Variants in AGAP1 observed in about 807,000 individuals in gnomAD.
AGAP1 encodes arf-GAP with GTPase, ANK repeat and PH domain-containing protein 1.
A neutral mutation model predicts 105.3 loss-of-function variants in AGAP1; 29 were observed. The ratio of observed to expected loss-of-function variants is 0.28; its 90% confidence interval spans 0.21 to 0.38. The LOEUF (loss-of-function observed/expected upper bound fraction) is 0.38, where lower values mean the gene tolerates loss of function less well. Ranked by LOEUF, AGAP1 falls within the 10% of genes least tolerant of loss-of-function variation. The pLI is 1.00. For synonymous variants in AGAP1, 509 were observed against 485.9 expected, an observed-to-expected ratio of 1.05 and a Z score of -0.63; for missense variants, 998 against 1,165.1, an observed-to-expected ratio of 0.86 and a Z score of 2.09.
intron 9 of AGAP1, among the ~76,000 whole-genome samples, chr2:235,881,779 A>G (rs910109688): frequency 3.3e-5 from 5 of 152,258 alleles, no homozygotes; most frequent in African/African-American, 1.2e-4. Flanking sequence ...CTCAACCACC[A>G]TTTAAGAAGA....
At chr2:235,795,044 A>T (rs1957178857) in intron 6 of AGAP1, among the ~76,000 whole-genome samples, 1 of 152,182 alleles carries the variant, frequency 6.6e-6, no homozygotes, top group Admixed American at 6.5e-5. Context: ...TGAGTAATTA[A>T]CGATTACAGC....
chr2:235,527,908 C>T (rs1942901896), intron 1 of AGAP1, among the ~76,000 whole-genome samples: 1 of 152,190 alleles, frequency 6.6e-6, no homozygotes, highest in Non-Finnish European at 1.5e-5. Flanking sequence ...TCACATCTAG[C>T]AATATCATAA....
rs933933833 is a variant in AGAP1 at position 235,959,251 on chromosome 2, C to T, written c.1484-9211C>T. Among the ~76,000 whole-genome samples the T allele has an allele frequency of 2.6e-5, 4 of 152,218 alleles. No individual in the cohort carries two copies. The highest frequency in any genetic ancestry group is 9.6e-5 in the African/African-American group (4 of 41,458). The stretch of plus-strand genomic sequence containing the variant: ...ATGCAGCCAGGAGGAGCGGATGGCG[C>T]TCCGTGGGCCGGCTGGAGCTCATTT... On this transcript the variant is annotated intron_variant, in intron 12 of 17. Coordinates refer to ENST00000304032, the MANE Select transcript of AGAP1 (RefSeq NM_001037131.3). This position sits in a 1 kb window ranked among gnomAD's most constrained non-coding sequence, Gnocchi z 7.3.
At chr2:235,849,917 C>A (rs1961986764) in intron 9 of AGAP1, among the ~76,000 whole-genome samples, 1 of 152,204 alleles carries the variant, frequency 6.6e-6, no homozygotes, top group African/African-American at 2.4e-5. Context: ...CTCCCTCTCA[C>A]CACGACTCTT....
Position 236,061,698 on chromosome 2 carries a change from G to A in AGAP1, c.2114+12417G>A, listed in dbSNP as rs2058199684. 6.6e-6 allele frequency among the ~76,000 whole-genome samples: 1 copy of A among 152,138 alleles called. No homozygotes were observed. The highest frequency in any genetic ancestry group is 2.4e-5 in the African/African-American group (1 of 41,426). On this transcript the variant is annotated intron_variant, in intron 16 of 17. Coordinates refer to ENST00000304032, the MANE Select transcript of AGAP1 (RefSeq NM_001037131.3). This position sits in a 1 kb window ranked among gnomAD's most constrained non-coding sequence, Gnocchi z 4.1. ...ATTCCTGCTTGCCAGGTGCAGGGGAGGGAGGGGCAGTGGCGTATACGGAGT... is the reference window on the plus strand; with the variant it reads ...ATTCCTGCTTGCCAGGTGCAGGGGAAGGAGGGGCAGTGGCGTATACGGAGT...
chr2:235,498,634 C>T (rs1201333718), intron 1 of AGAP1, among the ~76,000 whole-genome samples: 2 of 152,242 alleles, frequency 1.3e-5, no homozygotes, highest in African/African-American at 4.8e-5. Flanking sequence ...TAAAGCCTCT[C>T]TTAGCAGTCA....
Position 236,018,015 on chromosome 2 carries a change from G to A in AGAP1, c.1646-18546G>A, listed in dbSNP as rs958148403. On this transcript the variant is annotated intron_variant, in intron 13 of 17. Transcript: ENST00000304032. ...AACAAACAAAACTTACAAGGGAAAC[G>A]CACAGACAAGATTAAAAAACAAAAA... is the stretch of plus-strand genomic sequence containing the variant. Among the ~76,000 whole-genome samples the A allele has an allele frequency of 7.9e-5, 12 of 152,278 alleles. No homozygotes were observed. The East Asian group carries it at 1.5e-3, about 20-fold the overall frequency.
At chr2:235,972,537 G>A (rs2054693211) in intron 13 of AGAP1, among the ~76,000 whole-genome samples, 2 of 152,166 alleles carry the variant, frequency 1.3e-5, no homozygotes, top group South Asian at 4.1e-4. Context: ...AACTATTTGG[G>A]AAAGCTTCCA....
At chr2:235,844,363 C>T (rs113649924) in intron 9 of AGAP1, among the ~76,000 whole-genome samples, 9 of 152,216 alleles carry the variant, frequency 5.9e-5, no homozygotes, top group Non-Finnish European at 1.2e-4. Flanking sequence ...CCCTCACTTG[C>T]GCCCTCCTCA....
At chr2:235,742,005 G>A (rs374549217) in intron 4 of AGAP1, among the ~76,000 whole-genome samples, 8 of 152,056 alleles carry the variant, frequency 5.3e-5, no homozygotes, top group African/African-American at 1.2e-4. Flanking sequence ...CACTCACCTC[G>A]GCCTCCCAAA....
At chr2:235,540,352 A>G (rs1394194538) in intron 1 of AGAP1, among the ~76,000 whole-genome samples, 6 of 151,966 alleles carry the variant, frequency 3.9e-5, no homozygotes, top group Non-Finnish European at 7.4e-5. Context: ...GGGTTTTGCC[A>G]TTGTTGACCA....
At chr2:235,899,944 T>A (rs1354579447) in intron 10 of AGAP1, among the ~76,000 whole-genome samples, 1 of 152,254 alleles carries the variant, frequency 6.6e-6, no homozygotes, top group Admixed American at 6.5e-5. Context: ...GCAAAAGGTG[T>A]ATTCATAATT....
At chr2:235,514,535 C>G (rs1475957060) in intron 1 of AGAP1, among the ~76,000 whole-genome samples, 3 of 152,256 alleles carry the variant, frequency 2.0e-5, no homozygotes, top group African/African-American at 7.2e-5. Context: ...CTTCCTCTGT[C>G]TGGGGCCCTG....
rs549454814 is a variant in AGAP1, at chr2:236,040,915, G to A, written c.1891+74G>A. 1.1e-4 allele frequency: 168 copies of A among 1,461,294 alleles called. 1 individual carries two copies. The East Asian group carries it at 3.3e-3, about 28-fold the overall frequency. The allele number at this position is 1,461,294 out of a possible 1,614,324, so 90.5% of individuals were successfully genotyped here. ...CACATGGTCCCACTAGGCCCGGGTTGCAGGGGACTCACATCTGTCCTGTTT... is the reference window on the plus strand; with the variant it reads ...CACATGGTCCCACTAGGCCCGGGTTACAGGGGACTCACATCTGTCCTGTTT... On this transcript the variant is annotated intron_variant, in intron 15 of 17. Transcript: ENST00000304032. The surrounding 1 kb of genome is among the most constrained non-coding windows in gnomAD (Gnocchi z 5.6).
rs1956870083 is a variant in AGAP1 at position 235,789,833 on chromosome 2, A to G, written c.674-7926A>G. ...GGCCACAGCTTCTCATTAGGCTTTC[A>G]GTGACAAGGAACCAAAAAGCAAATG... On this transcript the variant is annotated intron_variant, in intron 6 of 17. Transcript: ENST00000304032. This position sits in a 1 kb window ranked among gnomAD's most constrained non-coding sequence, Gnocchi z 4.2. Among the ~76,000 whole-genome samples the G allele has an allele frequency of 6.6e-6, 1 of 152,340 alleles. No homozygotes were observed. The highest frequency in any genetic ancestry group is 2.4e-5 in the African/African-American group (1 of 41,570).
chr2:236,036,160 T>A lies in AGAP1; in HGVS notation c.1646-401T>A, dbSNP rs2057373753. The stretch of plus-strand genomic sequence containing the variant: ...TGGAGTGTCTGTGGATCTACGCGAG[T>A]GCTTAGATAGAAATTAACCCTGCAG... On this transcript the variant is annotated intron_variant, in intron 13 of 17. Coordinates refer to ENST00000304032, the MANE Select transcript of AGAP1 (RefSeq NM_001037131.3). This position sits in a 1 kb window ranked among gnomAD's most constrained non-coding sequence, Gnocchi z 5.7. Among the ~76,000 whole-genome samples, 1 of 152,086 alleles carries A rather than the reference T, an allele frequency of 6.6e-6. No homozygotes were observed. Among genetic ancestry groups the A allele is most frequent in the African/African-American group, 2.4e-5 (1 of 41,428 alleles).
rs968283526 is a variant in AGAP1, at chr2:236,009,585, C to T, written c.1646-26976C>T. Among the ~76,000 whole-genome samples, 1 of 152,186 alleles carries T rather than the reference C, an allele frequency of 6.6e-6. No individual in the cohort carries two copies. Among genetic ancestry groups the T allele is most frequent in the Non-Finnish European group, 1.5e-5 (1 of 68,034 alleles). On this transcript the variant is annotated intron_variant, in intron 13 of 17. Transcript: ENST00000304032. The surrounding 1 kb of genome is among the most constrained non-coding windows in gnomAD (Gnocchi z 4.2). ...GACTTTTCTTAGAGGTACAAATTTA[C>T]GCTCCCTTCTATGAATAGAGAGGGC...
rs140248627 is a variant in AGAP1 at position 235,889,150 on chromosome 2, G to A, written c.1155+5701G>A. 6.0e-3 allele frequency among the ~76,000 whole-genome samples: 913 copies of A among 152,268 alleles called. 4 individuals carry two copies. The highest frequency in any genetic ancestry group is 0.021 in the African/African-American group (866 of 41,554). The stretch of plus-strand genomic sequence containing the variant: ...ATGTTTTCCACACATCGGTGTGTTC[G>A]AAAATAAACCCAGCTCTTGGCCAAA... On this transcript the variant is annotated intron_variant, in intron 10 of 17. Coordinates refer to ENST00000304032, the MANE Select transcript of AGAP1 (RefSeq NM_001037131.3). The surrounding 1 kb of genome is among the most constrained non-coding windows in gnomAD (Gnocchi z 4.6).
rs567230954 is a variant in AGAP1, at chr2:236,056,113, C to T, written c.2114+6832C>T. Among the ~76,000 whole-genome samples the T allele has an allele frequency of 6.6e-6, 1 of 152,244 alleles. No homozygotes were observed. The highest frequency in any genetic ancestry group is 1.5e-5 in the Non-Finnish European group (1 of 68,028). ...GGCAAGCTCTCCATAAAGACTGGCT[C>T]TAATTATAAGAAAGGTGATTCTAAG... On this transcript the variant is annotated intron_variant, in intron 16 of 17. Coordinates refer to ENST00000304032, the MANE Select transcript of AGAP1 (RefSeq NM_001037131.3). This position sits in a 1 kb window ranked among gnomAD's most constrained non-coding sequence, Gnocchi z 4.6.
Sources: allele counts gnomAD v4.1 joint callset (sites outside exome capture counted in the v4.1 genomes callset), GRCh38; gene constraint gnomAD v4.1.1; non-coding constraint Gnocchi (gnomAD v3.1); transcripts MANE v1.5; gene names NCBI Gene and HGNC (gene_info 2026-07-23, HGNC 2026-07-21).